The following FBXL20 variants were observed in gnomAD, a reference collection of about 807,000 sequenced individuals.
FBXL20 encodes the protein F-box/LRR-repeat protein 20.
In FBXL20, 11 loss-of-function variants were observed where a neutral mutation model predicts 64.0. The ratio of observed to expected loss-of-function variants is 0.17; its 90% CI spans 0.11 to 0.28. The LOEUF is 0.28. Ranked by LOEUF, FBXL20 falls within the 10% of genes least tolerant of loss-of-function variation. FBXL20 has a pLI of 1.00. For synonymous variants in FBXL20, 184 were observed against 189.0 expected (o/e 0.97, Z 0.22); for missense variants, 303 against 526.2 (o/e 0.58, Z 4.15).
At chr17:39,352,389 T>A (rs1242242136) in intron 1 of FBXL20, among the ~76,000 whole-genome samples, 1 of 150,902 alleles carries the variant, frequency 6.6e-6, no homozygotes, top group Non-Finnish European at 1.5e-5. Context: ...TTAAAAAAAA[T>A]AGGAAAGAAA....
At chr17:39,373,785 C>T (rs2047940209) in intron 1 of FBXL20, among the ~76,000 whole-genome samples, 2 of 152,160 alleles carry the variant, frequency 1.3e-5, no homozygotes, top group South Asian at 4.1e-4. Context: ...TGACAAGCCA[C>T]AAAACAAGTA....
chr17:39,388,489 AT>A (rs1555615468), intron 1 of FBXL20, among the ~76,000 whole-genome samples: 390 of 144,766 alleles, frequency 2.7e-3, no homozygotes, highest in African/African-American at 8.5e-3. Context: ...TTTTTTTTTA[AT>A]TTTTTTTTTT....
At chr17:39,302,697 G>C (rs190577398) in intron 3 of FBXL20, among the ~76,000 whole-genome samples, 1,782 of 152,102 alleles carry the variant, frequency 0.012, 67 homozygotes, top group Non-Finnish European at 9.4e-3. Context: ...TTTCTGTAGA[G>C]ATAGGGCTCC....
At chr17:39,384,748 A>G (rs2048061037) in intron 1 of FBXL20, among the ~76,000 whole-genome samples, 1 of 151,852 alleles carries the variant, frequency 6.6e-6, no homozygotes, top group South Asian at 2.1e-4. Flanking sequence ...CAAGTTCTTC[A>G]GCAGTTCAAG....
chr17:39,327,886 GCT>G lies in FBXL20; in HGVS notation c.104+15292_104+15293del, dbSNP rs550525628. Among the ~76,000 whole-genome samples the G allele has an allele frequency of 9.2e-5, 14 of 152,026 alleles. No individual in the cohort carries two copies. In the East Asian group the frequency reaches 2.7e-3, roughly 29 times the overall value. On this transcript the variant is annotated intron_variant, in intron 2 of 14. Coordinates refer to ENST00000264658, the MANE Select transcript of FBXL20 (RefSeq NM_032875.3). ...CGGGTAACCAAACATGTATTTCTTA[GCT>G]CTGTCTTATGAGAAAGTCTAGAAGC...
chr17:39,313,676 C>T (rs1011479243), intron 2 of FBXL20, among the ~76,000 whole-genome samples: 1 of 152,090 alleles, frequency 6.6e-6, no homozygotes, highest in African/African-American at 2.4e-5. Context: ...GCTCTTGTTG[C>T]CCAGGCTGGA....
chr17:39,322,555 T>C (rs995324297), intron 2 of FBXL20, among the ~76,000 whole-genome samples: 29 of 152,298 alleles, frequency 1.9e-4, no homozygotes, highest in African/African-American at 6.7e-4. Flanking sequence ...GATCGTTATA[T>C]TGAGTAGTTG....
intron 2 of FBXL20, among the ~76,000 whole-genome samples, chr17:39,320,981 T>G (rs1440877998): frequency 6.6e-6 from 1 of 152,232 alleles, no homozygotes; most frequent in Non-Finnish European, 1.5e-5. Context: ...TTCATATTTT[T>G]ATGATTGCAT....
intron 1 of FBXL20, among the ~76,000 whole-genome samples, chr17:39,399,320 CTTTA>C (rs1214272055): frequency 2.0e-5 from 3 of 152,208 alleles, no homozygotes; most frequent in South Asian, 4.2e-4. Context: ...TTTAGATCTG[CTTTA>C]TTTACGTATC....
At chr17:39,301,427 T>TAA (rs1232076050) in intron 3 of FBXL20, among the ~76,000 whole-genome samples, 6 of 151,906 alleles carry the variant, frequency 3.9e-5, no homozygotes. Flanking sequence ...CCGATCCCTA[T>TAA]AAAAAAATTT....
chr17:39,296,999 C>G, intron 6 of FBXL20, 128 bp downstream of exon 6: 1 of 530,124 alleles, frequency 1.9e-6, no homozygotes, highest in South Asian at 3.7e-5. Context: ...GCTTTCTCTT[C>G]TAAAAATATC....
intron 10 of FBXL20, among the ~76,000 whole-genome samples, chr17:39,273,821 G>GA (rs56218843): frequency 0.63 from 85,211 of 134,602 alleles, 29,102 homozygotes; most frequent in South Asian, 0.89. Flanking sequence ...CTCTGTTTCA[G>GA]AAAAAAAAAA....
intron 8 of FBXL20, among the ~76,000 whole-genome samples, chr17:39,281,982 T>TA (rs1461688923): frequency 1.3e-5 from 2 of 152,168 alleles, no homozygotes; most frequent in Non-Finnish European, 2.9e-5. Context: ...CAGGATTCCT[T>TA]AAATAACCAG....
At chr17:39,401,060 G>A (rs2048236954) in intron 1 of FBXL20, among the ~76,000 whole-genome samples, 1 of 152,238 alleles carries the variant, frequency 6.6e-6, no homozygotes, top group South Asian at 2.1e-4. Flanking sequence ...GGCAAGCCAA[G>A]GGTTGTGTAA....
At chr17:39,394,025 C>T (rs567006565) in intron 1 of FBXL20, among the ~76,000 whole-genome samples, 1 of 152,128 alleles carries the variant, frequency 6.6e-6, no homozygotes, top group African/African-American at 2.4e-5. Flanking sequence ...CAGTTGGATG[C>T]CTTGGCTCTT....
chr17:39,320,989 C>T (rs2047350446), intron 2 of FBXL20, among the ~76,000 whole-genome samples: 1 of 152,094 alleles, frequency 6.6e-6, no homozygotes, highest in African/African-American at 2.4e-5. Flanking sequence ...TTTATGATTG[C>T]ATTTGCTAAG....
chr17:39,402,264 G>A (rs1228446203), upstream of FBXL20: 20 of 1,072,420 alleles, frequency 1.9e-5, 1 homozygote, highest in South Asian at 4.1e-4. Flanking sequence ...CAGTGCGGCT[G>A]CCGCCGCGCC....
intron 1 of FBXL20, among the ~76,000 whole-genome samples, chr17:39,361,558 GAGGCTGAGGC>G (rs1487263678): frequency 6.6e-6 from 1 of 152,108 alleles, no homozygotes; most frequent in African/African-American, 2.4e-5. Flanking sequence ...AGCACTTTGG[GAGGCTGAGGC>G]AGGTAGATCA....
chr17:39,265,134 A>T (rs891858498), intron 13 of FBXL20, among the ~76,000 whole-genome samples: 2 of 152,244 alleles, frequency 1.3e-5, no homozygotes, highest in Non-Finnish European at 2.9e-5. Context: ...AGGTTGGAGT[A>T]TAAGTTATCT....
Sources: allele counts gnomAD v4.1 joint callset (sites outside exome capture counted in the v4.1 genomes callset), GRCh38; gene constraint gnomAD v4.1.1; transcripts MANE v1.5; gene names NCBI Gene and HGNC (gene_info 2026-07-23, HGNC 2026-07-21).